The following HNF4G variants were observed in gnomAD, a reference collection of about 807,000 sequenced individuals.
HNF4G encodes the protein hepatocyte nuclear factor 4 gamma.
Under a neutral mutation model 50.9 loss-of-function variants are expected in HNF4G, and 21 were observed. The observed-to-expected ratio is 0.41, with a 90% CI of 0.29 to 0.59. The LOEUF (loss-of-function observed/expected upper bound fraction) is 0.59. HNF4G is among the 20% of genes least tolerant of loss of function. The pLI is 0.26. For missense variants in HNF4G, 527 were observed against 559.4 expected, an observed-to-expected ratio of 0.94 and a Z score of 0.58; for synonymous variants, 198 against 185.6, an observed-to-expected ratio of 1.07 and a Z score of -0.54.
At chr8:75,416,801 ATTAC>A (rs1029920650) in intron 1 of HNF4G, among the ~76,000 whole-genome samples, 6 of 152,134 alleles carry the variant, frequency 3.9e-5, no homozygotes, top group African/African-American at 1.4e-4. Context: ...TTATGTTCAT[ATTAC>A]TTAATTAGTT....
intron 1 of HNF4G, among the ~76,000 whole-genome samples, chr8:75,468,551 G>T (rs192041495): frequency 5.7e-4 from 87 of 152,074 alleles, no homozygotes; most frequent in African/African-American, 2.1e-3. Context: ...AAAATTAGCC[G>T]AGTGTGGTGG....
intron 1 of HNF4G, among the ~76,000 whole-genome samples, chr8:75,411,740 G>A (rs1329476934): frequency 2.6e-5 from 4 of 152,144 alleles, no homozygotes; most frequent in Non-Finnish European, 4.4e-5. Context: ...GGCAGGCCTC[G>A]TTGTCAGATG....
At chr8:75,447,102 G>C (rs1019958526) in intron 1 of HNF4G, among the ~76,000 whole-genome samples, 2 of 119,344 alleles carry the variant, frequency 1.7e-5, no homozygotes, top group African/African-American at 7.2e-5. Context: ...CAATGGAACA[G>C]AACAGAGCCC....
chr8:75,547,989 A>ATT (rs34854066), intron 3 of HNF4G, among the ~76,000 whole-genome samples: 71 of 140,252 alleles, frequency 5.1e-4, no homozygotes, highest in African/African-American at 1.8e-3. Flanking sequence ...GAAATTACAG[A>ATT]TTTTTTTTTT....
intron 1 of HNF4G, among the ~76,000 whole-genome samples, chr8:75,472,341 G>A (rs1812133286): frequency 6.6e-6 from 1 of 152,116 alleles, no homozygotes; most frequent in Non-Finnish European, 1.5e-5. Context: ...CCCTCCTTTT[G>A]AGAAAAGACC....
chr8:75,535,172 A>G (rs1806429959), upstream of HNF4G, among the ~76,000 whole-genome samples: 1 of 151,838 alleles, frequency 6.6e-6, no homozygotes, highest in Non-Finnish European at 1.5e-5. Context: ...GGCAATTTCA[A>G]ACTTCTTTGT....
In HNF4G at chr8:75,558,618, G is replaced by C; in HGVS notation, c.834G>C (p.Gln278His). ...TGGTTAGACCATTTCAAGAAATCCA[G>C]ATTGATGACAATGAGTATGCTTGTT... Reference protein sequence around the residue: ...DELVRPFQEIQIDDNEYACLK... With the variant: ...DELVRPFQEIHIDDNEYACLK... The change falls in exon 7 of 10, where the codon CAG becomes CAC. Residue 278 changes from glutamine (Q) to histidine (H), a missense_variant. Physicochemically the swap from Gln to His is conservative, Grantham distance 24. This residue lies in a region of HNF4G where 308 missense variants were observed against 301.5 expected (regional missense o/e 1.02). Transcript: ENST00000396423. The C allele has an allele frequency of 6.2e-7, 1 of 1,614,020 alleles. No individual in the cohort carries two copies. Among genetic ancestry groups the C allele is most frequent in the South Asian group, 1.1e-5 (1 of 91,080 alleles).
At chr8:75,503,252 C>G (rs1316006586) in intron 2 of HNF4G, among the ~76,000 whole-genome samples, 6 of 152,148 alleles carry the variant, frequency 3.9e-5, no homozygotes, top group Non-Finnish European at 8.8e-5. Context: ...TGGGCAATTA[C>G]TAAATGCTCT....
intron 1 of HNF4G, among the ~76,000 whole-genome samples, chr8:75,469,381 T>C (rs1339422988): frequency 6.6e-6 from 1 of 152,132 alleles, no homozygotes; most frequent in Non-Finnish European, 1.5e-5. Context: ...ATTGCGACAA[T>C]AATCCAATCT....
Position 75,563,194 on chromosome 8 carries a change from T to C in HNF4G, c.1247-781T>C, listed in dbSNP as rs117673956. Among the ~76,000 whole-genome samples the C allele has an allele frequency of 8.4e-3, 1,286 of 152,254 alleles. 10 individuals carry two copies. The highest frequency in any genetic ancestry group is 0.012 in the Non-Finnish European group (791 of 67,966). ...ATACAATAACAATAAGCGTGAGTAC[T>C]AAAATATTTCAAGTTTCTAAAAATT... On this transcript the variant is annotated intron_variant, in intron 9 of 9. Transcript: ENST00000396423.
At chr8:75,555,580 T>A (rs76439714) in intron 5 of HNF4G, among the ~76,000 whole-genome samples, 8 of 151,964 alleles carry the variant, frequency 5.3e-5, no homozygotes, top group Admixed American at 2.0e-4. Flanking sequence ...AGATTTTTTT[T>A]ATCTCTACTC....
At chr8:75,515,086 A>G (rs1379884608) in intron 2 of HNF4G, among the ~76,000 whole-genome samples, 2 of 152,144 alleles carry the variant, frequency 1.3e-5, no homozygotes, top group African/African-American at 4.8e-5. Context: ...ATGCTCAACA[A>G]TGTCTATGTA....
chr8:75,468,360 C>A (rs537890391), intron 1 of HNF4G, among the ~76,000 whole-genome samples: 5 of 152,124 alleles, frequency 3.3e-5, no homozygotes, highest in Admixed American at 6.6e-5. Flanking sequence ...TAGTCTGCAT[C>A]TCCCACTTTG....
At chr8:75,418,797 A>C (rs1357022724) in intron 1 of HNF4G, among the ~76,000 whole-genome samples, 1 of 135,026 alleles carries the variant, frequency 7.4e-6, no homozygotes, top group African/African-American at 2.9e-5. Context: ...GCACGATCTC[A>C]GCTCACCGCA....
intron 1 of HNF4G, among the ~76,000 whole-genome samples, chr8:75,438,370 A>C (rs761640807): frequency 2.6e-5 from 4 of 152,238 alleles, no homozygotes; most frequent in Non-Finnish European, 4.4e-5. Context: ...AAACTGTTTC[A>C]GAATTACTTC....
In HNF4G at chr8:75,481,166, A is replaced by G. The variant is rs182378368; in HGVS notation, c.-143-8923A>G. Among the ~76,000 whole-genome samples the G allele has an allele frequency of 2.4e-3, 363 of 152,286 alleles. 2 individuals carry two copies. Among genetic ancestry groups the G allele is most frequent in the African/African-American group, 8.3e-3 (347 of 41,562 alleles). ...TTAGCTTCATGCTTGGAATTTATTT[A>G]GATAATTCCATAAAGTAAAGGTTTG... On this transcript the variant is annotated intron_variant, in intron 1 of 10. Coordinates refer to the HNF4G transcript ENST00000354370.
At chr8:75,529,493 C>G (rs1231630460) in intron 2 of HNF4G, among the ~76,000 whole-genome samples, 1 of 152,054 alleles carries the variant, frequency 6.6e-6, no homozygotes, top group East Asian at 1.9e-4. Flanking sequence ...CTTTGACTTT[C>G]TAGAAATGCC....
intron 1 of HNF4G, among the ~76,000 whole-genome samples, chr8:75,470,846 A>G (rs1475365767): frequency 1.3e-5 from 2 of 152,238 alleles, no homozygotes; most frequent in African/African-American, 4.8e-5. Flanking sequence ...TATTAGTCAA[A>G]TAATGCTGTA....
intron 2 of HNF4G, among the ~76,000 whole-genome samples, chr8:75,511,558 A>G (rs988776685): frequency 6.6e-6 from 1 of 152,190 alleles, no homozygotes; most frequent in African/African-American, 2.4e-5. Flanking sequence ...TGAGTATGGT[A>G]TATGTCTGCG....
Sources: gnomAD v4.1 joint callset for allele counts (sites outside exome capture counted in the v4.1 genomes callset) on GRCh38, gnomAD v4.1.1 for gene constraint, gnomAD v4.1.1 regional missense constraint, MANE v1.5 for transcripts, NCBI Gene and HGNC (gene_info 2026-07-23, HGNC 2026-07-21) for gene names.